SVIL: variants seen among roughly 807,000 people sequenced by gnomAD.
SVIL encodes supervillin.
In SVIL, 101 loss-of-function variants were observed where a neutral mutation model predicts 240.4. That is an observed-to-expected ratio of 0.42 (90% confidence interval 0.36 to 0.50). The LOEUF (loss-of-function observed/expected upper bound fraction) is 0.50, where lower values mean the gene tolerates loss of function less well. Ranked by LOEUF, SVIL falls within the 20% of genes least tolerant of loss-of-function variation. The pLI, the probability that SVIL is intolerant of heterozygous loss-of-function variation, is 0.01. For synonymous variants in SVIL, 999 were observed against 1,100.0 expected, an observed-to-expected ratio of 0.91 and a Z score of 1.82; for missense variants, 2,512 against 2,818.7, an observed-to-expected ratio of 0.89 and a Z score of 2.46.
In SVIL at chr10:29,511,131, T is replaced by C. The variant is rs1438752809; in HGVS notation, c.3516+1604A>G. On this transcript the variant is annotated intron_variant, in intron 17 of 37. Coordinates refer to ENST00000355867, the MANE Select transcript of SVIL (RefSeq NM_021738.3). Reference sequence around the variant, plus strand: ...TGCTTGCAAGTCCCGGGGCTTCAGGTCACTGGATTATCAACCCCAAGGGCA... The same window carrying C: ...TGCTTGCAAGTCCCGGGGCTTCAGGCCACTGGATTATCAACCCCAAGGGCA... 1.9e-4 allele frequency among the ~76,000 whole-genome samples: 25 copies of C among 131,038 alleles called. 1 individual carries two copies. Among genetic ancestry groups the C allele is most frequent in the Non-Finnish European group, 3.9e-4 (24 of 61,402 alleles). The allele number at this position is 131,038 out of a possible 152,430, so 86.0% of individuals were successfully genotyped here.
chr10:29,510,520 A>C (rs1321692368), intron 17 of SVIL, among the ~76,000 whole-genome samples: 1 of 150,694 alleles, frequency 6.6e-6, no homozygotes, highest in South Asian at 2.1e-4. Flanking sequence ...CTCTCAGCAC[A>C]CAAAAGGAAC....
At position 29,484,567 on chromosome 10, in the gene SVIL, G is replaced by C. The variant is rs1249462298; in HGVS notation, c.4955+89C>G. On this transcript the variant is annotated intron_variant, in intron 27 of 37. Coordinates refer to ENST00000355867, the MANE Select transcript of SVIL (RefSeq NM_021738.3). The surrounding 1 kb of genome is among the most constrained non-coding windows in gnomAD (Gnocchi z 4.7). ...GTTTATGAAAACTGAACCCTATAAA[G>C]AGCGAGAGTAGAGGACTGTGGTGAG... The C allele has an allele frequency of 6.6e-6, 8 of 1,207,066 alleles. No individual in the cohort carries two copies. Among genetic ancestry groups the C allele is most frequent in the Non-Finnish European group, 9.1e-6 (8 of 882,032 alleles). 74.8% of individuals were successfully genotyped at this position (1,207,066 alleles called of 1,614,324 possible). A position where few individuals can be genotyped will look rare whatever the true frequency, so the allele number is the denominator to read the frequency against.
In SVIL at chr10:29,568,028, C is replaced by CAA. The variant is rs750834742; in HGVS notation, c.-143+1225_-143+1226dup. Among the ~76,000 whole-genome samples the CAA allele has an allele frequency of 2.4e-4, 28 of 116,172 alleles. 1 individual carries two copies. Among genetic ancestry groups the CAA allele is most frequent in the East Asian group, 6.8e-4 (3 of 4,396 alleles). 76.2% of individuals were successfully genotyped at this position (116,172 alleles called of 152,430 possible). A position where few individuals can be genotyped will look rare whatever the true frequency, so the allele number is the denominator to read the frequency against. ...AGAGACTCCGTCTCAAAAAAAAAAA[C>CAA]AAAAAAAAAAACAAAAACAGAAAGA... On this transcript the variant is annotated intron_variant, in intron 2 of 37. Transcript: ENST00000355867.
At chr10:29,564,428 AAAC>A (rs1298939419) in intron 2 of SVIL, among the ~76,000 whole-genome samples, 1 of 152,162 alleles carries the variant, frequency 6.6e-6, no homozygotes, top group Non-Finnish European at 1.5e-5. Context: ...CGAAGGAAGA[AAAC>A]AAACCTGTGG....
rs77791451 is a variant in SVIL at position 29,656,179 on chromosome 10, G to GT, written c.-201+1789dup. On this transcript the variant is annotated intron_variant, in intron 3 of 35. Coordinates refer to the SVIL transcript ENST00000375400. ...CCACCGTGCCTGGCCGAGTGTGAGT[G>GT]TTTTTTTTTTTTTTAAAAACATGAA... Among the ~76,000 whole-genome samples the GT allele has an allele frequency of 8.5e-3, 1,210 of 142,068 alleles. 11 individuals carry two copies. Among genetic ancestry groups the GT allele is most frequent in the African/African-American group, 0.024 (939 of 38,990 alleles). The allele number at this position is 142,068 out of a possible 152,430, so 93.2% of individuals were successfully genotyped here. A position where few individuals can be genotyped will look rare whatever the true frequency, so the allele number is the denominator to read the frequency against.
chr10:29,465,597 G>C lies in SVIL; in HGVS notation c.6131C>G (p.Pro2044Arg), dbSNP rs150327954. The change falls in exon 34 of 38, where the codon CCA becomes CGA. Residue 2044 changes from proline to arginine, a missense_variant and splice_region_variant. By Grantham distance (103) the Pro-to-Arg change is moderately radical. Transcript: ENST00000355867. The stretch of plus-strand genomic sequence containing the variant: ...TAGCTGCCCCCTGCAGGCCTTACCT[G>C]GCTGGGGCGCGCTGTACAGATCTTC... ...LQEDLYSAPQ[P>R]ALFLVDNHHE... 1 of 1,604,510 alleles carries C rather than the reference G, an allele frequency of 6.2e-7. No individual in the cohort carries two copies. Among genetic ancestry groups the C allele is most frequent in the African/African-American group, 1.3e-5 (1 of 74,764 alleles).
At chr10:29,498,584 T>C (rs1325859766) in intron 18 of SVIL, among the ~76,000 whole-genome samples, 1 of 152,140 alleles carries the variant, frequency 6.6e-6, no homozygotes, top group East Asian at 1.9e-4. Flanking sequence ...AAGAATCATA[T>C]AAAGTTTAAA....
intron 1 of SVIL, among the ~76,000 whole-genome samples, chr10:29,730,714 C>T (rs975504081): frequency 6.6e-6 from 1 of 152,188 alleles, no homozygotes; most frequent in East Asian, 1.9e-4. Context: ...GAAGCAACAG[C>T]AGTTTCCAGT....
At chr10:29,482,045 T>A (rs1946935081) in intron 27 of SVIL, among the ~76,000 whole-genome samples, 1 of 133,052 alleles carries the variant, frequency 7.5e-6, no homozygotes, top group African/African-American at 3.0e-5. Context: ...TTTTTTTTTT[T>A]AGAGATAAGG....
At chr10:29,706,415 G>A (rs1350504287) in intron 1 of SVIL, among the ~76,000 whole-genome samples, 2 of 152,138 alleles carry the variant, frequency 1.3e-5, no homozygotes, top group East Asian at 1.9e-4. Context: ...GTAATGTCAA[G>A]CTTTTTTTCA....
upstream of SVIL, among the ~76,000 whole-genome samples, chr10:29,635,795 T>G (rs1298812457): frequency 6.6e-6 from 1 of 152,218 alleles, no homozygotes; most frequent in African/African-American, 2.4e-5. Context: ...CTTAATTGTC[T>G]GCACCAACTT....
At chr10:29,534,676 C>T (rs1951616115) in intron 7 of SVIL, among the ~76,000 whole-genome samples, 1 of 152,216 alleles carries the variant, frequency 6.6e-6, no homozygotes, top group South Asian at 2.1e-4. Flanking sequence ...GACCTCTGCT[C>T]AGATCCTGGC....
At chr10:29,565,453 G>A (rs769357985) in intron 2 of SVIL, among the ~76,000 whole-genome samples, 2 of 152,162 alleles carry the variant, frequency 1.3e-5, no homozygotes, top group Non-Finnish European at 2.9e-5. Context: ...GCTTCTTAAC[G>A]TGGTTCACTT....
In SVIL at chr10:29,467,890, C is replaced by G. The variant is rs768512413; in HGVS notation, c.5844-15G>C. 4 of 1,613,916 alleles carry G rather than the reference C, an allele frequency of 2.5e-6. No individual in the cohort carries two copies. In the South Asian group the frequency reaches 4.4e-5, roughly 18 times the overall value. On this transcript the variant is annotated splice_polypyrimidine_tract_variant and intron_variant, in intron 32 of 37. Coordinates refer to ENST00000355867, the MANE Select transcript of SVIL (RefSeq NM_021738.3). ...CCAGGGGACATCTGCAAGGGAGAAA[C>G]TCCAAGAGTTCTTTATAAGTCTGGA...
Position 29,697,043 on chromosome 10 carries a change from C to T in SVIL, c.-399-10392G>A, listed in dbSNP as rs1402528817. Among the ~76,000 whole-genome samples the T allele has an allele frequency of 5.1e-5, 7 of 137,020 alleles. No individual in the cohort carries two copies. The East Asian group carries it at 7.6e-4, about 15-fold the overall frequency. The allele number at this position is 137,020 out of a possible 152,430, so 89.9% of individuals were successfully genotyped here. A position where few individuals can be genotyped will look rare whatever the true frequency, so the allele number is the denominator to read the frequency against. On this transcript the variant is annotated intron_variant, in intron 1 of 35. Coordinates refer to the SVIL transcript ENST00000375400. The stretch of plus-strand genomic sequence containing the variant: ...GGGCTCAGCCCCCCGCCCGGCCAGC[C>T]GCCCCGTCCGGGAGGTGAGGGGCGC...
At chr10:29,728,597 A>G (rs1330252257) in intron 1 of SVIL, among the ~76,000 whole-genome samples, 6 of 152,180 alleles carry the variant, frequency 3.9e-5, no homozygotes, top group Admixed American at 3.9e-4. Context: ...ATCAAGAAGC[A>G]CTGTCAAAAA....
At chr10:29,655,910 G>A (rs577475217) in intron 3 of SVIL, among the ~76,000 whole-genome samples, 2 of 129,044 alleles carry the variant, frequency 1.5e-5, no homozygotes, top group African/African-American at 5.8e-5. Flanking sequence ...TTGGAGTTTT[G>A]CTCTGTCACT....
chr10:29,628,840 A>G (rs1478958585), intron 1 of SVIL, among the ~76,000 whole-genome samples: 1 of 152,236 alleles, frequency 6.6e-6, no homozygotes, highest in African/African-American at 2.4e-5. Context: ...AAAGCTGAGC[A>G]AGCAAAGAGA....
intron 6 of SVIL, among the ~76,000 whole-genome samples, chr10:29,542,081 G>T (rs1346979607): frequency 6.6e-6 from 1 of 152,136 alleles, no homozygotes; most frequent in Non-Finnish European, 1.5e-5. Context: ...TTCAGCTGAC[G>T]TTTTCTTCAC....
Sources: allele counts gnomAD v4.1 joint callset (sites outside exome capture counted in the v4.1 genomes callset), GRCh38; gene constraint gnomAD v4.1.1; non-coding constraint Gnocchi (gnomAD v3.1); transcripts MANE v1.5; gene names NCBI Gene and HGNC (gene_info 2026-07-23, HGNC 2026-07-21).